Variants in PDIA3 observed in about 807,000 individuals in gnomAD.
PDIA3 encodes the protein protein disulfide isomerase family A member 3, also known as protein disulfide-isomerase A3.
Under a neutral mutation model 56.9 loss-of-function variants are expected in PDIA3, and 16 were observed. The ratio of observed to expected loss-of-function variants is 0.28; its 90% CI spans 0.19 to 0.43. PDIA3 has a LOEUF of 0.43. Among genes scored for constraint, PDIA3 ranks in the 20% least tolerant of loss-of-function variants. The pLI, the probability that PDIA3 is intolerant of heterozygous loss-of-function variation, is 1.00. For synonymous variants in PDIA3, 192 were observed against 216.5 expected, an observed-to-expected ratio of 0.89 and a Z score of 0.99; for missense variants, 485 against 621.3, an observed-to-expected ratio of 0.78 and a Z score of 2.33.
intron 3 of PDIA3, among the ~76,000 whole-genome samples, chr15:43,760,410 G>GA (rs1477835349): frequency 2.8e-5 from 4 of 141,802 alleles, no homozygotes; most frequent in Non-Finnish European, 4.7e-5. Context: ...ATAAAGAAAA[G>GA]AAAAAAAAGA....
At position 43,761,414 on chromosome 15, in the gene PDIA3, G is replaced by A. The variant is rs1209352113; in HGVS notation, c.365-10G>A. On this transcript the variant is annotated splice_polypyrimidine_tract_variant and intron_variant, in intron 3 of 12. Coordinates refer to ENST00000300289, the MANE Select transcript of PDIA3 (RefSeq NM_005313.5). ...GTTGTGTTGTCATAACTTTTATTTT[G>A]ACTTCTAAGATGGAATTGTCAGCCA... The A allele has an allele frequency of 1.4e-6, 2 of 1,463,052 alleles. No individual in the cohort carries two copies. Among genetic ancestry groups the A allele is most frequent in the South Asian group, 2.4e-5 (2 of 84,856 alleles). The allele number at this position is 1,463,052 out of a possible 1,614,324, so 90.6% of individuals were successfully genotyped here.
Position 43,766,840 on chromosome 15 carries a change from G to T in PDIA3, c.958G>T (p.Ala320Ser), listed in dbSNP as rs2086850249. 2 of 1,613,838 alleles carry T rather than the reference G, an allele frequency of 1.2e-6. No individual in the cohort carries two copies. Among genetic ancestry groups the T allele is most frequent in the East Asian group, 4.5e-5 (2 of 44,888 alleles). ...ELSDFGLESTAGEIPVVAIRT... is the reference protein window; with the variant it reads ...ELSDFGLESTSGEIPVVAIRT... ...TTCTGATTTTGGCTTGGAGAGCACT[G>T]CTGGAGAGATTCCTGTTGTTGCTAT... Residue 320 changes from alanine to serine, a missense_variant, in exon 8 of 13, where the codon GCT (alanine) becomes TCT (serine). Ala to Ser is a moderately conservative substitution (Grantham distance 99). Transcript: ENST00000300289.
intron 2 of PDIA3, among the ~76,000 whole-genome samples, chr15:43,756,424 A>G (rs1360792241): frequency 6.6e-6 from 1 of 152,212 alleles, no homozygotes; most frequent in Non-Finnish European, 1.5e-5. Context: ...GGAACTTTGC[A>G]TTTTATGTGA....
chr15:43,767,769 CAAAAAA>C (rs11294471), intron 8 of PDIA3, among the ~76,000 whole-genome samples: 1 of 73,470 alleles, frequency 1.4e-5, no homozygotes, highest in Non-Finnish European at 2.6e-5. Context: ...GACTCTGTCT[CAAAAAA>C]AAAAAAAAAA....
rs755396939 is a variant in PDIA3 at position 43,766,864 on chromosome 15, A to G, written c.982A>G (p.Ile328Val). Residue 328 changes from isoleucine (I) to valine (V), a missense_variant, in exon 8 of 13, where the codon ATC (isoleucine) becomes GTC (valine). Ile to Val is a conservative substitution (Grantham distance 29, BLOSUM62 3). Transcript: ENST00000300289. ...TGCTGGAGAGATTCCTGTTGTTGCT[A>G]TCAGAACTGCTAAAGGAGAGAAGTT... ...STAGEIPVVA[I>V]RTAKGEKFVM... is the part of the protein sequence containing the mutation. 16 of 1,613,988 alleles carry G rather than the reference A, an allele frequency of 9.9e-6. No individual in the cohort carries two copies. Among genetic ancestry groups the G allele is most frequent in the African/African-American group, 1.3e-5 (1 of 74,922 alleles).
At chr15:43,769,483 A>G (rs1460949388) in intron 9 of PDIA3, 35 bp from the exon 10 acceptor site, 1 of 1,601,592 alleles carries the variant, frequency 6.2e-7, no homozygotes, top group East Asian at 2.2e-5. Flanking sequence ...TTATTTTTTT[A>G]TGTTACCAAC....
At position 43,766,025 on chromosome 15, in the gene PDIA3, AT is replaced by A. The variant is rs774386578; in HGVS notation, c.845+14del. The A allele has an allele frequency of 6.2e-7, 1 of 1,611,696 alleles. No homozygotes were observed. Among genetic ancestry groups the A allele is most frequent in the Non-Finnish European group, 8.5e-7 (1 of 1,178,960 alleles). The stretch of plus-strand genomic sequence containing the variant: ...ACTGGAGAAACAGGTAATAAGAATT[AT>A]GTTTTTCCCTCATGAACAAGTTTAC... On this transcript the variant is annotated intron_variant, in intron 7 of 12. Transcript: ENST00000300289.
In PDIA3 at chr15:43,757,474, G is replaced by C. The variant is rs561445885; in HGVS notation, c.364+708G>C. Among the ~76,000 whole-genome samples the C allele has an allele frequency of 2.0e-4, 30 of 151,328 alleles. No individual in the cohort carries two copies. In the East Asian group the frequency reaches 4.7e-3, roughly 24 times the overall value. ...TCGGGAGGCTGAGGCAGGAGAATGG[G>C]GTGAACCTGGGAGGCGGAGCTTGCA... is the stretch of plus-strand genomic sequence containing the variant. On this transcript the variant is annotated intron_variant, in intron 3 of 12. Coordinates refer to ENST00000300289, the MANE Select transcript of PDIA3 (RefSeq NM_005313.5).
At chr15:43,766,130 G>C in intron 7 of PDIA3, 118 bp downstream of exon 7, 3 of 471,888 alleles carry the variant, frequency 6.4e-6, no homozygotes, top group South Asian at 6.3e-5. Context: ...TCCTTAAGAA[G>C]AGGTAAAAAA....
intron 4 of PDIA3, among the ~76,000 whole-genome samples, chr15:43,762,129 A>C (rs2086820118): frequency 6.6e-6 from 1 of 152,124 alleles, no homozygotes; most frequent in South Asian, 2.1e-4. Flanking sequence ...TTTGTTTTTT[A>C]AATGTGATAT....
intron 2 of PDIA3, among the ~76,000 whole-genome samples, chr15:43,754,392 CAA>C (rs1048781007): frequency 2.3e-4 from 12 of 51,206 alleles, no homozygotes; most frequent in East Asian, 6.0e-4. Flanking sequence ...GACTCCGTCT[CAA>C]AAAAAAAAAA....
rs1311753695 is a variant in PDIA3, at chr15:43,761,826, GA to G, written c.472+302del. Among the ~76,000 whole-genome samples the G allele has an allele frequency of 5.3e-5, 8 of 151,976 alleles. No homozygotes were observed. In the East Asian group the frequency reaches 1.4e-3, roughly 26 times the overall value. On this transcript the variant is annotated intron_variant, in intron 4 of 12. Coordinates refer to ENST00000300289, the MANE Select transcript of PDIA3 (RefSeq NM_005313.5). ...AGGGACTGGAAGGGGTGGGTGTGGG[GA>G]AAAAAATAAAGGACTAGGATAGGAA...
chr15:43,767,452 A>G (rs575168417), intron 8 of PDIA3, among the ~76,000 whole-genome samples: 1 of 152,138 alleles, frequency 6.6e-6, no homozygotes, highest in Admixed American at 6.5e-5. Context: ...GGCAGGTTGG[A>G]ATTCTTACAT....
At chr15:43,757,997 C>A (rs1450332949) in intron 3 of PDIA3, among the ~76,000 whole-genome samples, 1 of 151,582 alleles carries the variant, frequency 6.6e-6, no homozygotes, top group Non-Finnish European at 1.5e-5. Context: ...GTAATCCTAG[C>A]ACTTTGGGAG....
At position 43,765,393 on chromosome 15, in the gene PDIA3, A is replaced by G. The variant is rs1357095798; in HGVS notation, c.603-57A>G. 4 of 924,402 alleles carry G rather than the reference A, an allele frequency of 4.3e-6. No individual in the cohort carries two copies. The African/African-American group carries it at 6.7e-5, about 16-fold the overall frequency. 57.3% of individuals were successfully genotyped at this position (924,402 alleles called of 1,614,324 possible). On this transcript the variant is annotated intron_variant, in intron 5 of 12. Coordinates refer to ENST00000300289, the MANE Select transcript of PDIA3 (RefSeq NM_005313.5). ...GAAACCCTATCTCAAAAAAAAAAAG[A>G]TGGGAGACAGTTCTTCTGCTATCTG...
chr15:43,771,268 GA>G lies in PDIA3; in HGVS notation c.*54del. On this transcript the variant is annotated 3_prime_UTR_variant, in exon 13 of 13. Transcript: ENST00000300289. Reference sequence around the variant, plus strand: ...AAAAGGACTCTTCCATCAGAGATGGGAAAACCATTGGGGAGGACTAGGACCC... The same window carrying G: ...AAAAGGACTCTTCCATCAGAGATGGGAAACCATTGGGGAGGACTAGGACCC... 1 of 1,198,552 alleles carries G rather than the reference GA, an allele frequency of 8.3e-7. No homozygotes were observed. The highest frequency in any genetic ancestry group is 1.2e-6 in the Non-Finnish European group (1 of 813,276). 74.2% of individuals were successfully genotyped at this position (1,198,552 alleles called of 1,614,324 possible).
chr15:43,746,669 T>C lies in PDIA3; in HGVS notation c.130T>C (p.Ser44Pro). 1.2e-6 allele frequency: 2 copies of C among 1,612,936 alleles called. No individual in the cohort carries two copies. Among genetic ancestry groups the C allele is most frequent in the Non-Finnish European group, 1.7e-6 (2 of 1,179,904 alleles). Residue 44 changes from serine (S) to proline (P), a missense_variant, in exon 1 of 13, where the codon TCT (serine) becomes CCT (proline). Coordinates refer to ENST00000300289, the MANE Select transcript of PDIA3 (RefSeq NM_005313.5). ...CGAGAGTCGCATCTCCGACACGGGC[T>C]CTGCGGGCCTCATGCTCGTCGAGTT... Reference protein sequence around the residue: ...NFESRISDTGSAGLMLVEFFA... With the variant: ...NFESRISDTGPAGLMLVEFFA...
rs574995178 is a variant in PDIA3, at chr15:43,773,273, A to G, written c.*2055A>G. On this transcript the variant is annotated 3_prime_UTR_variant, in exon 13 of 13. Coordinates refer to ENST00000300289, the MANE Select transcript of PDIA3 (RefSeq NM_005313.5). ...GTCAAAAAGTAAAAATTCTCATTCT[A>G]CCTTGCTTCCGTTCCCAGACCTTGT... 1 of 1,614,086 alleles carries G rather than the reference A, an allele frequency of 6.2e-7. No homozygotes were observed. Among genetic ancestry groups the G allele is most frequent in the African/African-American group, 1.3e-5 (1 of 75,042 alleles).
At chr15:43,762,073 T>C (rs923087454) in intron 4 of PDIA3, among the ~76,000 whole-genome samples, 19 of 152,246 alleles carry the variant, frequency 1.2e-4, no homozygotes, top group African/African-American at 4.6e-4. Context: ...CGTTTTTAAA[T>C]GACATGAGCC....
Sources: allele counts gnomAD v4.1 joint callset (sites outside exome capture counted in the v4.1 genomes callset), GRCh38; gene constraint gnomAD v4.1.1; transcripts MANE v1.5; gene names NCBI Gene and HGNC (gene_info 2026-07-23, HGNC 2026-07-21).